Variants in CDC25A observed in about 807,000 individuals in gnomAD.
The protein encoded by CDC25A is cell division cycle 25A.
In CDC25A, 17 loss-of-function variants were observed where a neutral mutation model predicts 64.6. The ratio of observed to expected loss-of-function variants is 0.26; its 90% CI spans 0.18 to 0.39. The LOEUF (loss-of-function observed/expected upper bound fraction) is 0.39, where lower values mean the gene tolerates loss of function less well. Among genes scored for constraint, CDC25A ranks in the 10% least tolerant of loss-of-function variants. The probability of loss-of-function intolerance (pLI) is 1.00; values close to 1 mark genes in which losing one functional copy is unlikely to be tolerated. For synonymous variants in CDC25A, 229 were observed against 238.6 expected, an observed-to-expected ratio of 0.96 and a Z score of 0.37; for missense variants, 473 against 654.8, an observed-to-expected ratio of 0.72 and a Z score of 3.03.
chr3:48,178,674 C>G (rs537473673), intron 6 of CDC25A, among the ~76,000 whole-genome samples: 4 of 152,298 alleles, frequency 2.6e-5, no homozygotes, highest in Admixed American at 2.6e-4. Context: ...CTGTTTGACT[C>G]CAAAATCCAA....
At chr3:48,175,931 C>G (rs2032439074) in intron 8 of CDC25A, among the ~76,000 whole-genome samples, 1 of 152,078 alleles carries the variant, frequency 6.6e-6, no homozygotes, top group African/African-American at 2.4e-5. Flanking sequence ...CTTTGGGAGG[C>G]AGGTGGATGG....
chr3:48,180,088 AG>A (rs2032606880), intron 6 of CDC25A, among the ~76,000 whole-genome samples: 1 of 152,174 alleles, frequency 6.6e-6, no homozygotes, highest in Non-Finnish European at 1.5e-5. Context: ...AATCCATAAT[AG>A]TTCTTTAAAA....
At chr3:48,174,478 C>T in intron 8 of CDC25A, 21 bp from the exon 9 acceptor site, 1 of 1,596,414 alleles carries the variant, frequency 6.3e-7, no homozygotes, top group Non-Finnish European at 8.5e-7. Context: ...AAAAAACAGA[C>T]AGACCCATCT....
intron 13 of CDC25A, among the ~76,000 whole-genome samples, chr3:48,163,323 A>G (rs1243911948): frequency 6.7e-6 from 1 of 150,210 alleles, no homozygotes; most frequent in Non-Finnish European, 1.5e-5. Context: ...AGAAAGAAAA[A>G]GCCAGGTGCA....
At chr3:48,170,919 A>C (rs1263479139) in intron 9 of CDC25A, among the ~76,000 whole-genome samples, 1 of 152,180 alleles carries the variant, frequency 6.6e-6, no homozygotes, top group Non-Finnish European at 1.5e-5. Flanking sequence ...CATTTTCTCC[A>C]CAATGGAATT....
rs374990545 is a variant in CDC25A, at chr3:48,165,796, C to T, written c.1092+35G>A. ...GTCAGGGAAAACTAGATTCAAGTAC[C>T]CGATGTGTGGTGGGTTTCAAAAGGA... On this transcript the variant is annotated intron_variant, in intron 11 of 14. Coordinates refer to ENST00000302506, the MANE Select transcript of CDC25A (RefSeq NM_001789.3). 24 of 1,587,942 alleles carry T rather than the reference C, an allele frequency of 1.5e-5. No individual in the cohort carries two copies. The African/African-American group carries it at 2.3e-4, about 15-fold the overall frequency.
chr3:48,175,039 G>C (rs372671869), intron 8 of CDC25A, among the ~76,000 whole-genome samples: 17 of 152,172 alleles, frequency 1.1e-4, no homozygotes, highest in Admixed American at 1.1e-3. Context: ...GGCTGGGCGC[G>C]GTGGCTCACG....
intron 1 of CDC25A, among the ~76,000 whole-genome samples, chr3:48,187,296 A>G (rs1180181971): frequency 6.6e-6 from 1 of 152,220 alleles, no homozygotes; most frequent in Non-Finnish European, 1.5e-5. Flanking sequence ...GGACATCAGG[A>G]ATGTGCACAG....
intron 12 of CDC25A, among the ~76,000 whole-genome samples, chr3:48,165,107 CAAAA>C: frequency 1.2e-5 from 1 of 84,962 alleles, no homozygotes; most frequent in Non-Finnish European, 2.3e-5. Context: ...GACTCTGTCT[CAAAA>C]AAAAAAAAAA....
chr3:48,159,525 G>C, intron 13 of CDC25A, 70 bp from the exon 14 acceptor site: 8 of 1,027,920 alleles, frequency 7.8e-6, no homozygotes, highest in Non-Finnish European at 3.1e-6. Flanking sequence ...CGCAGTCAAA[G>C]CAGCAGTTGT....
At chr3:48,168,062 TTTTTA>T (rs869238147) in intron 9 of CDC25A, 118 bp from the exon 10 acceptor site, 126 of 616,840 alleles carry the variant, frequency 2.0e-4, no homozygotes, top group African/African-American at 1.2e-3. Context: ...TAGTAAGAAG[TTTTTA>T]TTTTATTTTA....
At chr3:48,164,521 G>A (rs2031921118) in intron 12 of CDC25A, 84 bp from the exon 13 acceptor site, 1 of 1,295,370 alleles carries the variant, frequency 7.7e-7, no homozygotes, top group South Asian at 1.8e-5. Flanking sequence ...TTCATCAAGA[G>A]TGATCTTTAA....
Position 48,177,430 on chromosome 3 carries a change from TCTC to T in CDC25A, c.694_696del (p.Glu232del), listed in dbSNP as rs1238949574. 1.9e-6 allele frequency: 3 copies of T among 1,612,316 alleles called. No homozygotes were observed. Among genetic ancestry groups the T allele is most frequent in the Non-Finnish European group, 1.7e-6 (2 of 1,178,910 alleles). ...CAGAGGCTTGCCATGCACGAGGGGG[TCTC>T]CTCCTCATTCTAAAGAAACAGAAAA... On this transcript the variant is annotated inframe_deletion, in exon 8 of 15. Transcript: ENST00000302506.
intron 4 of CDC25A, among the ~76,000 whole-genome samples, chr3:48,183,386 T>C (rs1340945050): frequency 6.6e-6 from 1 of 152,206 alleles, no homozygotes; most frequent in Non-Finnish European, 1.5e-5. Context: ...AGACCGAACA[T>C]CTTGAGTACT....
chr3:48,180,648 A>C (rs149337385), intron 6 of CDC25A, 73 bp downstream of exon 6: 414 of 1,543,868 alleles, frequency 2.7e-4, no homozygotes, highest in Non-Finnish European at 3.6e-4. Context: ...AGTGCCTTCA[A>C]TTCTGGATGA....
At chr3:48,173,233 A>T (rs1434458708) in intron 9 of CDC25A, among the ~76,000 whole-genome samples, 1 of 151,712 alleles carries the variant, frequency 6.6e-6, no homozygotes, top group Non-Finnish European at 1.5e-5. Context: ...AAAAAGACAG[A>T]CCTTTATAAA....
chr3:48,187,541 G>A (rs1343704147), intron 1 of CDC25A, among the ~76,000 whole-genome samples: 1 of 152,262 alleles, frequency 6.6e-6, no homozygotes, highest in African/African-American at 2.4e-5. Context: ...GGTGGGCCTG[G>A]CTCGGGCTTA....
intron 12 of CDC25A, among the ~76,000 whole-genome samples, 164 bp downstream of exon 12, chr3:48,165,472 C>T (rs1481589261): frequency 6.6e-6 from 1 of 152,158 alleles, no homozygotes; most frequent in Non-Finnish European, 1.5e-5. Context: ...AGGGAACATT[C>T]GTTAAGAGCA....
intron 12 of CDC25A, 42 bp from the exon 13 acceptor site, chr3:48,164,479 A>T (rs367628424): frequency 1.6e-5 from 23 of 1,446,074 alleles, no homozygotes; most frequent in Non-Finnish European, 2.0e-5. Flanking sequence ...CACGTTTCAC[A>T]CATGAAGTAA....
Sources: allele counts gnomAD v4.1 joint callset (sites outside exome capture counted in the v4.1 genomes callset), GRCh38; gene constraint gnomAD v4.1.1; transcripts MANE v1.5; gene names NCBI Gene and HGNC (gene_info 2026-07-23, HGNC 2026-07-21).